Variants in FAM83F observed in about 807,000 individuals in gnomAD.
The protein encoded by FAM83F is scaffolding CK1 anchoring protein F.
In FAM83F, 45 loss-of-function variants were observed where a neutral mutation model predicts 42.9. The observed-to-expected ratio is 1.05, with a 90% CI of 0.83 to 1.35. The LOEUF (loss-of-function observed/expected upper bound fraction) is 1.35. FAM83F is among the 40% of genes most tolerant of loss of function. The probability of loss-of-function intolerance (pLI) is 0.00; values close to 1 mark genes in which losing one functional copy is unlikely to be tolerated. For synonymous variants in FAM83F, 306 were observed against 298.3 expected, an observed-to-expected ratio of 1.03 and a Z score of -0.27; for missense variants, 617 against 695.9, an observed-to-expected ratio of 0.89 and a Z score of 1.28.
chr22:39,999,357 G>A (rs182068708), intron 1 of FAM83F, among the ~76,000 whole-genome samples: 2 of 152,164 alleles, frequency 1.3e-5, no homozygotes, highest in Admixed American at 6.5e-5. Flanking sequence ...TGAGGCTGCT[G>A]GGCGGATTTA....
At position 39,995,627 on chromosome 22, in the gene FAM83F, C is replaced by T; in HGVS notation, c.489+96C>T. 3 of 1,435,254 alleles carry T rather than the reference C, an allele frequency of 2.1e-6. No homozygotes were observed. Among genetic ancestry groups the T allele is most frequent in the Non-Finnish European group, 2.7e-6 (3 of 1,095,986 alleles). The allele number at this position is 1,435,254 out of a possible 1,614,324, so 88.9% of individuals were successfully genotyped here. On this transcript the variant is annotated intron_variant, in intron 1 of 4. Transcript: ENST00000333407. The surrounding 1 kb of genome is among the most constrained non-coding windows in gnomAD (Gnocchi z 4.6). ...CAGGCAGGGCCCGGGGCAGGCCGCC[C>T]TGAGCACCCTCTGGAAAATGGGCCC...
In FAM83F at chr22:39,995,638, C is replaced by G; in HGVS notation, c.489+107C>G. The G allele has an allele frequency of 2.8e-6, 4 of 1,430,558 alleles. No individual in the cohort carries two copies. The highest frequency in any genetic ancestry group is 3.7e-6 in the Non-Finnish European group (4 of 1,093,358). 88.6% of individuals were successfully genotyped at this position (1,430,558 alleles called of 1,614,324 possible). A position where few individuals can be genotyped will look rare whatever the true frequency, so the allele number is the denominator to read the frequency against. On this transcript the variant is annotated intron_variant, in intron 1 of 4. Coordinates refer to ENST00000333407, the MANE Select transcript of FAM83F (RefSeq NM_138435.4). This position sits in a 1 kb window ranked among gnomAD's most constrained non-coding sequence, Gnocchi z 4.6. ...CGGGGCAGGCCGCCCTGAGCACCCTCTGGAAAATGGGCCCCAACCCGCCCC... is the reference window on the plus strand; with the variant it reads ...CGGGGCAGGCCGCCCTGAGCACCCTGTGGAAAATGGGCCCCAACCCGCCCC...
chr22:40,021,830 C>T lies in FAM83F; in HGVS notation c.1320C>T (p.Ser440=), dbSNP rs1002549952. ...GEAAPARRFS[S]RLFSRRAKRP... is the part of the protein sequence containing the mutation. The stretch of plus-strand genomic sequence containing the variant: ...CCGCCCCCGCCAGGCGCTTCAGCAG[C>T]AGGCTCTTCAGTCGCCGAGCCAAGA... Residue 440 remains serine, a synonymous_variant, in exon 4 of 5, where the codon AGC becomes AGT. Coordinates refer to ENST00000333407, the MANE Select transcript of FAM83F (RefSeq NM_138435.4). The surrounding 1 kb of genome is among the most constrained non-coding windows in gnomAD (Gnocchi z 8.7). The T allele has an allele frequency of 1.9e-6, 3 of 1,612,618 alleles. No homozygotes were observed. The highest frequency in any genetic ancestry group is 1.1e-5 in the South Asian group (1 of 91,036).
At chr22:40,013,557 AG>A (rs2145716044) in intron 1 of FAM83F, among the ~76,000 whole-genome samples, 1 of 152,358 alleles carries the variant, frequency 6.6e-6, no homozygotes, top group South Asian at 2.1e-4. Context: ...ATGGTGCTGT[AG>A]TATGCCTTAC....
chr22:40,007,553 C>CTCCTCTCCTCT (rs1569231136), intron 1 of FAM83F, among the ~76,000 whole-genome samples: 81 of 6,740 alleles, frequency 0.012, 3 homozygotes, highest in African/African-American at 0.03. Context: ...TCCTCTCCTC[C>CTCCTCTCCTCT]TCCTCTCCTC....
Position 40,021,386 on chromosome 22 carries a change from C to G in FAM83F, c.876C>G (p.Tyr292Ter). Residue 292 changes from tyrosine (Y) to a stop codon, truncating the protein, a stop_gained, in exon 4 of 5, where the codon TAC becomes TAG. Transcript: ENST00000333407. LOFTEE classifies it high-confidence loss of function. This position sits in a 1 kb window ranked among gnomAD's most constrained non-coding sequence, Gnocchi z 8.7. ...EPFDTEFREL[Y>*]AISEEVDLYR... The stretch of plus-strand genomic sequence containing the variant: ...TTGACACGGAGTTCCGGGAGCTGTA[C>G]GCCATCTCCGAGGAGGTGGACTTGT... The G allele has an allele frequency of 6.2e-7, 1 of 1,613,346 alleles. No individual in the cohort carries two copies. Among genetic ancestry groups the G allele is most frequent in the South Asian group, 1.1e-5 (1 of 90,980 alleles).
intron 1 of FAM83F, among the ~76,000 whole-genome samples, chr22:40,015,720 T>G (rs573075357): frequency 3.3e-5 from 5 of 152,276 alleles, no homozygotes; most frequent in Non-Finnish European, 7.4e-5. Flanking sequence ...TGGTAAAGTC[T>G]TATCCTCCCC....
intron 1 of FAM83F, among the ~76,000 whole-genome samples, chr22:40,000,620 A>T (rs964451084): frequency 1.3e-5 from 2 of 151,886 alleles, no homozygotes; most frequent in Admixed American, 1.3e-4. Flanking sequence ...AAAAAACCCT[A>T]GTTTAAAAAG....
rs2067620066 is a variant in FAM83F at position 40,035,744 on chromosome 22, G to A, written c.*6179G>A. The A allele has an allele frequency of 6.6e-6, 1 of 152,198 alleles. No individual in the cohort carries two copies. Among genetic ancestry groups the A allele is most frequent in the South Asian group, 2.1e-4 (1 of 4,830 alleles). The allele number at this position is 152,198 out of a possible 1,614,324, so 9.4% of individuals were successfully genotyped here. On this transcript the variant is annotated 3_prime_UTR_variant, in exon 5 of 5. Coordinates refer to ENST00000333407, the MANE Select transcript of FAM83F (RefSeq NM_138435.4). The stretch of plus-strand genomic sequence containing the variant: ...TCCCCGAACTTTCCTGTTTCCTCAT[G>A]TGTCAAATGGGGATGATCTCGAGAC...
intron 1 of FAM83F, among the ~76,000 whole-genome samples, chr22:40,018,895 C>T (rs2067504901): frequency 6.6e-6 from 1 of 152,174 alleles, no homozygotes; most frequent in Admixed American, 6.5e-5. Flanking sequence ...GGCCCTGATA[C>T]AGTTTCTTAA....
rs777708899 is a variant in FAM83F, at chr22:40,033,231, C to G, written c.*3666C>G. 7.2e-4 allele frequency: 110 copies of G among 152,070 alleles called. No homozygotes were observed. The highest frequency in any genetic ancestry group is 1.2e-3 in the Non-Finnish European group (83 of 68,020). 9.4% of individuals were successfully genotyped at this position (152,070 alleles called of 1,614,324 possible). A position where few individuals can be genotyped will look rare whatever the true frequency, so the allele number is the denominator to read the frequency against. The stretch of plus-strand genomic sequence containing the variant: ...TCCTGAGTAGCTGAGATTACAGGCA[C>G]GCGCCACCACGCCCGGCTAATTTTT... On this transcript the variant is annotated 3_prime_UTR_variant, in exon 5 of 5. Transcript: ENST00000333407.
Position 40,021,223 on chromosome 22 carries a change from G to T in FAM83F, c.780-67G>T. ...CTGGCCACAGCGGAGGGGCAGGTGG[G>T]GGCGGGGGCAGGGCAAGAGAGAGGC... is the stretch of plus-strand genomic sequence containing the variant. On this transcript the variant is annotated intron_variant, in intron 3 of 4. Transcript: ENST00000333407. This position sits in a 1 kb window ranked among gnomAD's most constrained non-coding sequence, Gnocchi z 8.7. 2.7e-6 allele frequency: 4 copies of T among 1,455,262 alleles called. No individual in the cohort carries two copies. Among genetic ancestry groups the T allele is most frequent in the Non-Finnish European group, 3.6e-6 (4 of 1,100,184 alleles). The allele number at this position is 1,455,262 out of a possible 1,614,324, so 90.1% of individuals were successfully genotyped here. A position where few individuals can be genotyped will look rare whatever the true frequency, so the allele number is the denominator to read the frequency against.
rs1350113624 is a variant in FAM83F, at chr22:40,039,559, T to C, written c.*9994T>C. ...GTCACGCAGCAAACAAGCTGCAGAA[T>C]GAAGGGTGGAGATGGAGAGATAGAA... On this transcript the variant is annotated 3_prime_UTR_variant, in exon 5 of 5. Transcript: ENST00000333407. 6.6e-6 allele frequency: 1 copy of C among 152,220 alleles called. No homozygotes were observed. Among genetic ancestry groups the C allele is most frequent in the African/African-American group, 2.4e-5 (1 of 41,444 alleles). 9.4% of individuals were successfully genotyped at this position (152,220 alleles called of 1,614,324 possible). A position where few individuals can be genotyped will look rare whatever the true frequency, so the allele number is the denominator to read the frequency against.
Position 40,021,186 on chromosome 22 carries a change from T to A in FAM83F, c.780-104T>A. On this transcript the variant is annotated intron_variant, in intron 3 of 4. Transcript: ENST00000333407. The surrounding 1 kb of genome is among the most constrained non-coding windows in gnomAD (Gnocchi z 8.7). The stretch of plus-strand genomic sequence containing the variant: ...TGTGGCCCACAAGGAGCCGTACACC[T>A]GCAGCAAGGGTCTGGCCACAGCGGA... 1 of 1,324,680 alleles carries A rather than the reference T, an allele frequency of 7.5e-7. No individual in the cohort carries two copies. Among genetic ancestry groups the A allele is most frequent in the Non-Finnish European group, 1.0e-6 (1 of 996,554 alleles). 82.1% of individuals were successfully genotyped at this position (1,324,680 alleles called of 1,614,324 possible).
intron 1 of FAM83F, among the ~76,000 whole-genome samples, chr22:40,004,384 C>T (rs552603314): frequency 5.3e-5 from 8 of 151,780 alleles, no homozygotes; most frequent in Non-Finnish European, 1.2e-4. Context: ...CTCACTGCAA[C>T]CTCTGCCTAC....
chr22:40,004,939 A>G (rs917025195), intron 1 of FAM83F, among the ~76,000 whole-genome samples: 1 of 152,246 alleles, frequency 6.6e-6, no homozygotes, highest in African/African-American at 2.4e-5. Flanking sequence ...TGAATCAGCC[A>G]GTTGTGGAAA....
intron 4 of FAM83F, among the ~76,000 whole-genome samples, 192 bp downstream of exon 4, chr22:40,022,155 G>T (rs1048173909): frequency 1.3e-5 from 2 of 150,744 alleles, no homozygotes; most frequent in Non-Finnish European, 2.9e-5. Context: ...CTGCCTGGAG[G>T]CCTTGGGCAA....
Position 40,042,218 on chromosome 22 carries a change from A to C in FAM83F, c.*12653A>C, listed in dbSNP as rs1171767648. ...CATCTTATTTGGAAATTATTTTCCT[A>C]TTCTCAAGTGGGCAAATAGGAGAAG... On this transcript the variant is annotated 3_prime_UTR_variant, in exon 5 of 5. Coordinates refer to ENST00000333407, the MANE Select transcript of FAM83F (RefSeq NM_138435.4). The C allele has an allele frequency of 1.3e-5, 2 of 152,148 alleles. No individual in the cohort carries two copies. Among genetic ancestry groups the C allele is most frequent in the East Asian group, 3.9e-4 (2 of 5,190 alleles). 9.4% of individuals were successfully genotyped at this position (152,148 alleles called of 1,614,324 possible).
rs149172907 is a variant in FAM83F at position 40,033,804 on chromosome 22, G to A, written c.*4239G>A. On this transcript the variant is annotated 3_prime_UTR_variant, in exon 5 of 5. Transcript: ENST00000333407. ...GGACACAGCACCCTGGCCCAGAGAG[G>A]TTGGCTGACTTGCCTGAGACGCTGC... 2.6e-5 allele frequency: 4 copies of A among 152,278 alleles called. No individual in the cohort carries two copies. Among genetic ancestry groups the A allele is most frequent in the African/African-American group, 9.6e-5 (4 of 41,454 alleles). The allele number at this position is 152,278 out of a possible 1,614,324, so 9.4% of individuals were successfully genotyped here.
Sources: allele counts gnomAD v4.1 joint callset (sites outside exome capture counted in the v4.1 genomes callset), GRCh38; gene constraint gnomAD v4.1.1; non-coding constraint Gnocchi (gnomAD v3.1); transcripts MANE v1.5; gene names NCBI Gene and HGNC (gene_info 2026-07-23, HGNC 2026-07-21).